FSIP1: variants seen among roughly 807,000 people sequenced by gnomAD.
FSIP1 encodes fibrous sheath interacting protein 1, also known as fibrous sheath-interacting protein 1.
Under a neutral mutation model 60.9 loss-of-function variants are expected in FSIP1, and 65 were observed. The ratio of observed to expected loss-of-function variants is 1.07; its 90% CI spans 0.87 to 1.31. The LOEUF (loss-of-function observed/expected upper bound fraction) is 1.31, where lower values mean the gene tolerates loss of function less well. Among genes scored for constraint, FSIP1 ranks in the 40% most tolerant of loss-of-function variants. FSIP1 has a pLI of 0.00. For synonymous variants in FSIP1, 209 were observed against 221.2 expected, an observed-to-expected ratio of 0.94 and a Z score of 0.49; for missense variants, 675 against 665.5, an observed-to-expected ratio of 1.01 and a Z score of -0.16.
intron 10 of FSIP1, among the ~76,000 whole-genome samples, chr15:39,670,961 G>A (rs965420730): frequency 1.3e-5 from 2 of 152,132 alleles, no homozygotes; most frequent in Non-Finnish European, 2.9e-5. Flanking sequence ...CAGGCCAGAG[G>A]GAGGCTGAAA....
chr15:39,648,174 A>T (rs926071357), intron 10 of FSIP1, among the ~76,000 whole-genome samples: 1 of 151,440 alleles, frequency 6.6e-6, no homozygotes, highest in East Asian at 1.9e-4. Flanking sequence ...ATAATAAAAA[A>T]AAAAAGAAAA....
intron 10 of FSIP1, among the ~76,000 whole-genome samples, chr15:39,619,452 TA>T (rs1163689242): frequency 6.6e-6 from 1 of 152,132 alleles, no homozygotes; most frequent in Non-Finnish European, 1.5e-5. Flanking sequence ...TGACTGACCC[TA>T]AGGTTAATAT....
At position 39,663,476 on chromosome 15, in the gene FSIP1, C is replaced by T. The variant is rs569996981; in HGVS notation, c.1189-45231G>A. Among the ~76,000 whole-genome samples, 9 of 152,218 alleles carry T rather than the reference C, an allele frequency of 5.9e-5. No homozygotes were observed. In the East Asian group the frequency reaches 9.6e-4, roughly 16 times the overall value. On this transcript the variant is annotated intron_variant, in intron 10 of 11. Coordinates refer to ENST00000350221, the MANE Select transcript of FSIP1 (RefSeq NM_152597.5). ...AATATATCCAACTCAATACCCAGTC[C>T]GATTTAATTCCAACATGGAGTAAAG... is the stretch of plus-strand genomic sequence containing the variant.
At chr15:39,758,345 T>C (rs1261327851) in intron 5 of FSIP1, among the ~76,000 whole-genome samples, 1 of 152,136 alleles carries the variant, frequency 6.6e-6, no homozygotes, top group Non-Finnish European at 1.5e-5. Context: ...CAGAGTGGCC[T>C]GTCTTACATT....
chr15:39,618,802 A>G (rs1188746587), intron 10 of FSIP1, among the ~76,000 whole-genome samples: 2 of 152,166 alleles, frequency 1.3e-5, no homozygotes, highest in African/African-American at 4.8e-5. Flanking sequence ...TTTTTCTTTC[A>G]GCAATATTCT....
rs1329095029 is a variant in FSIP1 at position 39,633,091 on chromosome 15, C to CGTTTTT, written c.1189-14847_1189-14846insAAAAAC. 3.4e-3 allele frequency among the ~76,000 whole-genome samples: 383 copies of CGTTTTT among 112,870 alleles called. 3 individuals carry two copies. Among genetic ancestry groups the CGTTTTT allele is most frequent in the African/African-American group, 0.013 (364 of 27,090 alleles). 74.0% of individuals were successfully genotyped at this position (112,870 alleles called of 152,430 possible). A position where few individuals can be genotyped will look rare whatever the true frequency, so the allele number is the denominator to read the frequency against. ...AATCTTCCCCACATAGGCTATACTT[C>CGTTTTT]TTTTTTTTTTTTTTTTTTTTGAGAT... On this transcript the variant is annotated intron_variant, in intron 10 of 11. Coordinates refer to ENST00000350221, the MANE Select transcript of FSIP1 (RefSeq NM_152597.5).
intron 10 of FSIP1, among the ~76,000 whole-genome samples, chr15:39,700,633 G>A (rs1478686027): frequency 1.3e-5 from 2 of 152,164 alleles, no homozygotes; most frequent in East Asian, 3.8e-4. Flanking sequence ...ACAAACATAT[G>A]AAGGGATGTC....
chr15:39,636,053 A>T (rs1167365541), intron 10 of FSIP1, among the ~76,000 whole-genome samples: 4 of 152,168 alleles, frequency 2.6e-5, no homozygotes, highest in African/African-American at 7.2e-5. Context: ...TACCCATGAT[A>T]TATCCCCTCC....
chr15:39,738,695 G>T (rs1208786671), intron 7 of FSIP1, among the ~76,000 whole-genome samples: 1 of 124,996 alleles, frequency 8.0e-6, no homozygotes, highest in East Asian at 1.9e-4. Context: ...ACCTGGATAA[G>T]GGGGGAACTC....
chr15:39,706,701 T>C (rs1895286367), intron 10 of FSIP1, among the ~76,000 whole-genome samples: 1 of 152,208 alleles, frequency 6.6e-6, no homozygotes, highest in Admixed American at 6.5e-5. Flanking sequence ...TTAAATACTG[T>C]GTGTTACAAA....
At chr15:39,645,173 T>C (rs892749243) in intron 10 of FSIP1, among the ~76,000 whole-genome samples, 2 of 152,376 alleles carry the variant, frequency 1.3e-5, no homozygotes, top group African/African-American at 2.4e-5. Context: ...AGAAACTTTC[T>C]ACATTCTTAG....
chr15:39,758,189 A>C (rs1157730899), intron 5 of FSIP1, among the ~76,000 whole-genome samples: 1 of 152,146 alleles, frequency 6.6e-6, no homozygotes, highest in Non-Finnish European at 1.5e-5. Context: ...AGCTTTAAAA[A>C]TTAAACATAT....
At chr15:39,749,189 G>A (rs532473925) in intron 5 of FSIP1, among the ~76,000 whole-genome samples, 3 of 141,150 alleles carry the variant, frequency 2.1e-5, no homozygotes, top group South Asian at 2.2e-4. Context: ...AAAACCCCAC[G>A]ACCAGATGGT....
chr15:39,721,720 C>G (rs541568327), intron 9 of FSIP1, among the ~76,000 whole-genome samples: 116 of 152,334 alleles, frequency 7.6e-4, no homozygotes, highest in Non-Finnish European at 1.4e-3. Context: ...GATACTGCAG[C>G]AAACCGGAGA....
chr15:39,691,433 A>G (rs1894595461), intron 10 of FSIP1, among the ~76,000 whole-genome samples: 1 of 152,184 alleles, frequency 6.6e-6, no homozygotes, highest in Non-Finnish European at 1.5e-5. Flanking sequence ...AGCAAGCACC[A>G]TTCATCAAAT....
intron 10 of FSIP1, among the ~76,000 whole-genome samples, chr15:39,687,740 T>A (rs546378247): frequency 1.3e-5 from 2 of 152,342 alleles, no homozygotes; most frequent in Admixed American, 1.3e-4. Flanking sequence ...TAATCAATGC[T>A]TGTTTAATGA....
intron 10 of FSIP1, among the ~76,000 whole-genome samples, chr15:39,708,844 G>C (rs1857417438): frequency 6.6e-6 from 1 of 152,218 alleles, no homozygotes; most frequent in African/African-American, 2.4e-5. Context: ...AGCACCCAAG[G>C]CTCATCCTTC....
At chr15:39,603,520 A>G (rs1890717183) in intron 11 of FSIP1, among the ~76,000 whole-genome samples, 2 of 152,234 alleles carry the variant, frequency 1.3e-5, no homozygotes, top group South Asian at 2.1e-4. Flanking sequence ...GAGACTGGGC[A>G]ATCAAAAGTA....
chr15:39,782,129 C>G (rs1898288120), intron 1 of FSIP1, among the ~76,000 whole-genome samples: 2 of 152,252 alleles, frequency 1.3e-5, no homozygotes, highest in Admixed American at 6.5e-5. Context: ...AATTACACTA[C>G]TTCCCCTACA....
Sources: allele counts gnomAD v4.1 joint callset (sites outside exome capture counted in the v4.1 genomes callset), GRCh38; gene constraint gnomAD v4.1.1; transcripts MANE v1.5; gene names NCBI Gene and HGNC (gene_info 2026-07-23, HGNC 2026-07-21).